The following PCOLCE variants were observed in gnomAD, a reference collection of about 807,000 sequenced individuals.
PCOLCE encodes the protein procollagen C-endopeptidase enhancer, also known as procollagen C-endopeptidase enhancer 1.
PCOLCE carries 33 observed loss-of-function variants against 47.2 expected under a neutral mutation model. The ratio of observed to expected loss-of-function variants is 0.70; its 90% CI spans 0.53 to 0.93. PCOLCE has a LOEUF of 0.93. Ranked by LOEUF, PCOLCE falls within the 40% of genes least tolerant of loss-of-function variation. The probability of loss-of-function intolerance (pLI) is 0.00; values close to 1 mark genes in which losing one functional copy is unlikely to be tolerated. For missense variants in PCOLCE, 584 were observed against 585.3 expected, an observed-to-expected ratio of 1.00 and a Z score of 0.02; for synonymous variants, 254 against 252.5, an observed-to-expected ratio of 1.01 and a Z score of -0.06.
At position 100,606,409 on chromosome 7, in the gene PCOLCE, C is replaced by T. The variant is rs1255619332; in HGVS notation, c.726-7C>T. The T allele has an allele frequency of 3.7e-6, 6 of 1,611,344 alleles. No individual in the cohort carries two copies. Among genetic ancestry groups the T allele is most frequent in the Admixed American group, 1.7e-5 (1 of 59,934 alleles). On this transcript the variant is annotated splice_region_variant and splice_polypyrimidine_tract_variant and intron_variant, in intron 5 of 8. Transcript: ENST00000223061. ...CACTTCCCCCAATGCTCGGTGGCCACCTGCAGCTCCATCTCCTCCGAAGGG... is the reference window on the plus strand; with the variant it reads ...CACTTCCCCCAATGCTCGGTGGCCATCTGCAGCTCCATCTCCTCCGAAGGG...
Position 100,604,932 on chromosome 7 carries a change from C to CT in PCOLCE, c.464-158dup, listed in dbSNP as rs1259929374. On this transcript the variant is annotated intron_variant, in intron 3 of 8. Coordinates refer to ENST00000223061, the MANE Select transcript of PCOLCE (RefSeq NM_002593.4). The surrounding 1 kb of genome is among the most constrained non-coding windows in gnomAD (Gnocchi z 6.4). Reference sequence around the variant, plus strand: ...GAGCCGCGCTCCTCCCGGCCGCTCTCTGTTAACCTGCCCCCATCTTACCTC... The same window carrying CT: ...GAGCCGCGCTCCTCCCGGCCGCTCTCTTGTTAACCTGCCCCCATCTTACCTC... 8.6e-6 allele frequency: 5 copies of CT among 578,414 alleles called. No individual in the cohort carries two copies. The highest frequency in any genetic ancestry group is 1.5e-5 in the Non-Finnish European group (5 of 323,244). The allele number at this position is 578,414 out of a possible 1,614,324, so 35.8% of individuals were successfully genotyped here.
Position 100,603,958 on chromosome 7 carries a change from G to A in PCOLCE, c.205-1G>A. The A allele has an allele frequency of 6.2e-7, 1 of 1,600,402 alleles. No homozygotes were observed. The highest frequency in any genetic ancestry group is 8.5e-7 in the Non-Finnish European group (1 of 1,179,398). The stretch of plus-strand genomic sequence containing the variant: ...GTCCCCGCCTCTGTCCCCGCTATCA[G>A]GTCCCCGAGGGCCAGACTGTGTCCC... On this transcript the variant is annotated splice_acceptor_variant, in intron 2 of 8. Coordinates refer to ENST00000223061, the MANE Select transcript of PCOLCE (RefSeq NM_002593.4). LOFTEE classifies it high-confidence loss of function.
chr7:100,604,507 G>A lies in PCOLCE; in HGVS notation c.463+290G>A. The A allele has an allele frequency of 3.8e-6, 2 of 522,066 alleles. No homozygotes were observed. The highest frequency in any genetic ancestry group is 4.0e-5 in the South Asian group (2 of 50,130). 32.3% of individuals were successfully genotyped at this position (522,066 alleles called of 1,614,324 possible). On this transcript the variant is annotated intron_variant, in intron 3 of 8. Transcript: ENST00000223061. The surrounding 1 kb of genome is among the most constrained non-coding windows in gnomAD (Gnocchi z 6.4). Reference sequence around the variant, plus strand: ...CGGCCTGGGGTTACTGGGACGGTGAGTAACTGCCGGCCCCCGTCCGCAATC... The same window carrying A: ...CGGCCTGGGGTTACTGGGACGGTGAATAACTGCCGGCCCCCGTCCGCAATC...
Position 100,604,259 on chromosome 7 carries a change from C to T in PCOLCE, c.463+42C>T. 6.5e-7 allele frequency: 1 copy of T among 1,540,826 alleles called. No homozygotes were observed. The highest frequency in any genetic ancestry group is 8.7e-7 in the Non-Finnish European group (1 of 1,143,006). Reference sequence around the variant, plus strand: ...CTCCGCCTTCCCCCCCTCCAGGCCCCGCCCCGGCCGCAGCCCCGCCCCCAG... The same window carrying T: ...CTCCGCCTTCCCCCCCTCCAGGCCCTGCCCCGGCCGCAGCCCCGCCCCCAG... On this transcript the variant is annotated intron_variant, in intron 3 of 8. Transcript: ENST00000223061. This position sits in a 1 kb window ranked among gnomAD's most constrained non-coding sequence, Gnocchi z 6.4.
Position 100,608,017 on chromosome 7 carries a change from C to A in PCOLCE, c.1264C>A (p.Arg422=). The A allele has an allele frequency of 6.2e-7, 1 of 1,614,078 alleles. No individual in the cohort carries two copies. Among genetic ancestry groups the A allele is most frequent in the Non-Finnish European group, 8.5e-7 (1 of 1,179,958 alleles). The part of the protein sequence containing the change: ...LPPESFVVLH[R]PNQDQILTNL... ...TCCAGAGAGCTTTGTGGTTCTCCAC[C>A]GGCCCAACCAGGACCAGATCCTCAC... Residue 422 remains arginine (R), a synonymous_variant, in exon 9 of 9, where the codon CGG becomes AGG. Coordinates refer to ENST00000223061, the MANE Select transcript of PCOLCE (RefSeq NM_002593.4).
In PCOLCE at chr7:100,605,833, G is replaced by A. The variant is rs1422443138; in HGVS notation, c.725+21G>A. The A allele has an allele frequency of 1.9e-6, 3 of 1,546,458 alleles. No homozygotes were observed. In the African/African-American group the frequency reaches 4.1e-5, roughly 21 times the overall value. Reference sequence around the variant, plus strand: ...CCGGGGTGAGGGGCGGGACCTGGGCGAGTCCGGGAGAGAGTCGGCGGACCG... The same window carrying A: ...CCGGGGTGAGGGGCGGGACCTGGGCAAGTCCGGGAGAGAGTCGGCGGACCG... On this transcript the variant is annotated intron_variant, in intron 5 of 8. Coordinates refer to ENST00000223061, the MANE Select transcript of PCOLCE (RefSeq NM_002593.4). The surrounding 1 kb of genome is among the most constrained non-coding windows in gnomAD (Gnocchi z 6.1).
chr7:100,603,912 G>C (rs1015245676), intron 2 of PCOLCE, 47 bp from the exon 3 acceptor site: 7 of 1,585,574 alleles, frequency 4.4e-6, no homozygotes, highest in Non-Finnish European at 4.3e-6. Context: ...TGGCTGGGTT[G>C]TGTGGGGCCT....
At chr7:100,602,848 C>T in intron 1 of PCOLCE, 1 of 453,956 alleles carries the variant, frequency 2.2e-6, no homozygotes, top group Non-Finnish European at 3.9e-6. Flanking sequence ...CCTGAACTTG[C>T]CTGGTAGCTG....
Position 100,602,536 on chromosome 7 carries a change from C to A in PCOLCE, c.80C>A (p.Thr27Asn). The change falls in exon 1 of 9, where the codon ACC (threonine) becomes AAC (asparagine). Residue 27 changes from threonine to asparagine, a missense_variant. Coordinates refer to ENST00000223061, the MANE Select transcript of PCOLCE (RefSeq NM_002593.4). The part of the protein sequence containing the change: ...CALLPFAQGQ[T>N]PNYTRPVFLC... ...CTGCTGCCTTTTGCCCAGGGCCAGA[C>A]CCCCAACTACACCAGGTAGGTCTCT... 4 of 1,604,946 alleles carry A rather than the reference C, an allele frequency of 2.5e-6. No homozygotes were observed. Among genetic ancestry groups the A allele is most frequent in the Non-Finnish European group, 3.4e-6 (4 of 1,172,286 alleles).
Position 100,603,448 on chromosome 7 carries a change from A to C in PCOLCE, c.114A>C (p.Gly38=). Residue 38 remains glycine, a synonymous_variant, in exon 2 of 9, where the codon GGA becomes GGC. Transcript: ENST00000223061. ...PNYTRPVFLC[G]GDVKGESGYV... ...TCTCCAGACCCGTGTTCCTGTGCGG[A>C]GGGGATGTGAAGGGGGAATCAGGTT... 6.3e-7 allele frequency: 1 copy of C among 1,593,202 alleles called. No homozygotes were observed. Among genetic ancestry groups the C allele is most frequent in the Non-Finnish European group, 8.6e-7 (1 of 1,168,860 alleles).
rs758156739 is a variant in PCOLCE at position 100,605,215 on chromosome 7, G to C, written c.588G>C (p.Gln196His). 2.2e-5 allele frequency: 36 copies of C among 1,610,790 alleles called. No individual in the cohort carries two copies. The South Asian group carries it at 3.7e-4, about 17-fold the overall frequency. ...GGCACATCATCGCGCCCCCGGACCAGGTACCGACCCTCCTCCCCGGGCTGC... is the reference window on the plus strand; with the variant it reads ...GGCACATCATCGCGCCCCCGGACCACGTACCGACCCTCCTCCCCGGGCTGC... Reference protein sequence around the residue: ...CSWHIIAPPDQVIALTFEKFD... With the variant: ...CSWHIIAPPDHVIALTFEKFD... Residue 196 changes from glutamine (Q) to histidine (H), a missense_variant and splice_region_variant, in exon 4 of 9, where the codon CAG becomes CAC. Gln to His is a conservative substitution (Grantham distance 24). Coordinates refer to ENST00000223061, the MANE Select transcript of PCOLCE (RefSeq NM_002593.4). This position sits in a 1 kb window ranked among gnomAD's most constrained non-coding sequence, Gnocchi z 6.1.
In PCOLCE at chr7:100,602,537, C is replaced by T. The variant is rs1342984105; in HGVS notation, c.81C>T (p.Thr27=). 1.2e-6 allele frequency: 2 copies of T among 1,605,594 alleles called. No individual in the cohort carries two copies. The highest frequency in any genetic ancestry group is 4.5e-5 in the East Asian group (2 of 44,848). Residue 27 remains threonine, a synonymous_variant, in exon 1 of 9, where the codon ACC becomes ACT. Transcript: ENST00000223061. ...TGCTGCCTTTTGCCCAGGGCCAGAC[C>T]CCCAACTACACCAGGTAGGTCTCTT... is the stretch of plus-strand genomic sequence containing the variant. ...CALLPFAQGQ[T]PNYTRPVFLC...
intron 1 of PCOLCE, chr7:100,603,055 G>T: frequency 4.4e-6 from 1 of 225,892 alleles, no homozygotes; most frequent in Non-Finnish European, 8.6e-6. Flanking sequence ...CCCCCCCACC[G>T]CCTCGTGGCT....
In PCOLCE at chr7:100,602,927, A is replaced by G. The variant is rs566252931; in HGVS notation, c.95+376A>G. On this transcript the variant is annotated intron_variant, in intron 1 of 8. Coordinates refer to ENST00000223061, the MANE Select transcript of PCOLCE (RefSeq NM_002593.4). The stretch of plus-strand genomic sequence containing the variant: ...GGCAGTGAGTGGAGACTTGGGAGTC[A>G]GAATCTGAAGTAGTTTGGAACAGGG... 2.2e-5 allele frequency: 7 copies of G among 315,808 alleles called. No individual in the cohort carries two copies. The East Asian group carries it at 5.8e-4, about 26-fold the overall frequency. The allele number at this position is 315,808 out of a possible 1,614,324, so 19.6% of individuals were successfully genotyped here. A position where few individuals can be genotyped will look rare whatever the true frequency, so the allele number is the denominator to read the frequency against.
chr7:100,603,363 C>T, intron 1 of PCOLCE, 67 bp from the exon 2 acceptor site: 4 of 783,978 alleles, frequency 5.1e-6, no homozygotes, highest in Non-Finnish European at 8.5e-6. Context: ...CACCTCATCC[C>T]CATCTTGCCA....
Position 100,604,152 on chromosome 7 carries a change from C to T in PCOLCE, c.398C>T (p.Thr133Met). ...PGNQVTLRMT[T>M]DEGTGGRGFL... The stretch of plus-strand genomic sequence containing the variant: ...AACCAGGTGACCCTGAGGATGACGA[C>T]GGATGAGGGCACAGGAGGACGAGGC... Residue 133 changes from threonine to methionine, a missense_variant, in exon 3 of 9, where the codon ACG becomes ATG. By Grantham distance (81) the Thr-to-Met change is moderately conservative. Coordinates refer to ENST00000223061, the MANE Select transcript of PCOLCE (RefSeq NM_002593.4). This position sits in a 1 kb window ranked among gnomAD's most constrained non-coding sequence, Gnocchi z 6.4. The T allele has an allele frequency of 1.2e-6, 2 of 1,613,240 alleles. No homozygotes were observed. Among genetic ancestry groups the T allele is most frequent in the South Asian group, 1.1e-5 (1 of 91,086 alleles).
Position 100,604,305 on chromosome 7 carries a change from A to G in PCOLCE, c.463+88A>G. 9.0e-7 allele frequency: 1 copy of G among 1,112,718 alleles called. No homozygotes were observed. The highest frequency in any genetic ancestry group is 1.2e-6 in the Non-Finnish European group (1 of 851,626). The allele number at this position is 1,112,718 out of a possible 1,614,324, so 68.9% of individuals were successfully genotyped here. A position where few individuals can be genotyped will look rare whatever the true frequency, so the allele number is the denominator to read the frequency against. On this transcript the variant is annotated intron_variant, in intron 3 of 8. Coordinates refer to ENST00000223061, the MANE Select transcript of PCOLCE (RefSeq NM_002593.4). This position sits in a 1 kb window ranked among gnomAD's most constrained non-coding sequence, Gnocchi z 6.4. ...CCCAGCCCTAACCTCCGCCCCGCCC[A>G]CCCCGCGCCCCAGTGCCTAGGGCCC...
In PCOLCE at chr7:100,604,767, A is replaced by C; in HGVS notation, c.464-324A>C. 1 of 378,222 alleles carries C rather than the reference A, an allele frequency of 2.6e-6. No homozygotes were observed. Among genetic ancestry groups the C allele is most frequent in the Non-Finnish European group, 4.9e-6 (1 of 204,546 alleles). The allele number at this position is 378,222 out of a possible 1,614,324, so 23.4% of individuals were successfully genotyped here. On this transcript the variant is annotated intron_variant, in intron 3 of 8. Transcript: ENST00000223061. This position sits in a 1 kb window ranked among gnomAD's most constrained non-coding sequence, Gnocchi z 6.4. ...CCAGCCTGAAAGGGGACTCTGCTGCAGGGCCGGGGAGATGGGATCTCCTAG... is the reference window on the plus strand; with the variant it reads ...CCAGCCTGAAAGGGGACTCTGCTGCCGGGCCGGGGAGATGGGATCTCCTAG...
At chr7:100,603,857 C>A in intron 2 of PCOLCE, 102 bp from the exon 3 acceptor site, 1 of 1,365,182 alleles carries the variant, frequency 7.3e-7, no homozygotes, top group Non-Finnish European at 1.0e-6. Flanking sequence ...CCTTCCCATT[C>A]AGTCCGTTTC....
Sources: gnomAD v4.1 joint callset for allele counts on GRCh38, gnomAD v4.1.1 for gene constraint, Gnocchi (gnomAD v3.1) non-coding constraint, MANE v1.5 for transcripts, NCBI Gene and HGNC (gene_info 2026-07-23, HGNC 2026-07-21) for gene names.